Variants in PRKG1 observed in about 807,000 individuals in gnomAD.
PRKG1 encodes the protein cGMP-dependent protein kinase 1.
In PRKG1, 35 loss-of-function variants were observed where a neutral mutation model predicts 88.1. The observed-to-expected ratio is 0.40, with a 90% confidence interval of 0.30 to 0.53. PRKG1 has a LOEUF of 0.53. Ranked by LOEUF, PRKG1 falls within the 20% of genes least tolerant of loss-of-function variation. The pLI is 0.59. For synonymous variants in PRKG1, 303 were observed against 292.5 expected, an observed-to-expected ratio of 1.04 and a Z score of -0.37; for missense variants, 540 against 839.8, an observed-to-expected ratio of 0.64 and a Z score of 4.41.
intron 6 of PRKG1, among the ~76,000 whole-genome samples, chr10:52,061,587 CTG>C (rs1416533179): frequency 6.6e-6 from 1 of 152,030 alleles, no homozygotes; most frequent in Non-Finnish European, 1.5e-5. Context: ...GTCACAAGTC[CTG>C]TGTGTTCTAG....
intron 8 of PRKG1, among the ~76,000 whole-genome samples, chr10:52,159,978 T>C (rs1473570386): frequency 1.3e-5 from 2 of 151,932 alleles, no homozygotes; most frequent in African/African-American, 4.8e-5. Flanking sequence ...TATCCAAATA[T>C]AAAGGACAGA....
chr10:51,272,001 C>T lies in PRKG1; in HGVS notation c.478+118671C>T, dbSNP rs371072477. Among the ~76,000 whole-genome samples the T allele has an allele frequency of 5.9e-5, 9 of 152,292 alleles. No homozygotes were observed. In the East Asian group the frequency reaches 9.7e-4, roughly 16 times the overall value. ...CCTTGAAGAATGGCCACACTGTCCT[C>T]CACAATGGTTGAACAAATTTACACT... is the stretch of plus-strand genomic sequence containing the variant. On this transcript the variant is annotated intron_variant, in intron 2 of 17. Coordinates refer to ENST00000373980, the MANE Select transcript of PRKG1 (RefSeq NM_006258.4).
intron 5 of PRKG1, among the ~76,000 whole-genome samples, chr10:51,994,444 A>G (rs1398126596): frequency 1.3e-5 from 2 of 152,130 alleles, no homozygotes; most frequent in Admixed American, 1.3e-4. Flanking sequence ...AGTAGATAAT[A>G]TTATCCTTAC....
chr10:51,541,098 G>A (rs1026873915), intron 3 of PRKG1, among the ~76,000 whole-genome samples: 3 of 152,154 alleles, frequency 2.0e-5, no homozygotes, highest in African/African-American at 7.2e-5. Context: ...CAGTTTCATG[G>A]AAGACAATTT....
At chr10:51,440,249 G>A (rs187224166) in intron 2 of PRKG1, among the ~76,000 whole-genome samples, 1 of 151,504 alleles carries the variant, frequency 6.6e-6, no homozygotes. Flanking sequence ...CTTTATCTGG[G>A]TATAGTATAA....
intron 3 of PRKG1, among the ~76,000 whole-genome samples, chr10:51,680,488 A>T (rs1840824937): frequency 6.6e-6 from 1 of 152,344 alleles, no homozygotes; most frequent in African/African-American, 2.4e-5. Flanking sequence ...GGATCTGGAC[A>T]ATTCACACTC....
chr10:51,737,738 TTAATTATTATTATTATTATTA>T lies in PRKG1; in HGVS notation c.593-66845_593-66825del, dbSNP rs776215921. On this transcript the variant is annotated intron_variant, in intron 3 of 17. Coordinates refer to ENST00000373980, the MANE Select transcript of PRKG1 (RefSeq NM_006258.4). Reference sequence around the variant, plus strand: ...ATTTATTTATTTATTTATTTATTTATTAATTATTATTATTATTATTATTATTATTATTATTATTTTCTGAGA... The same window carrying T: ...ATTTATTTATTTATTTATTTATTTATTTATTATTATTATTATTTTCTGAGA... 9.8e-5 allele frequency among the ~76,000 whole-genome samples: 13 copies of T among 132,692 alleles called. No individual in the cohort carries two copies. The East Asian group carries it at 2.7e-3, about 27-fold the overall frequency. The allele number at this position is 132,692 out of a possible 152,430, so 87.1% of individuals were successfully genotyped here.
chr10:51,683,935 G>A (rs886420928), intron 3 of PRKG1, among the ~76,000 whole-genome samples: 4 of 152,152 alleles, frequency 2.6e-5, no homozygotes, highest in African/African-American at 9.7e-5. Context: ...TTTTTCGGGG[G>A]AATGTAAAAT....
intron 2 of PRKG1, among the ~76,000 whole-genome samples, chr10:51,212,949 G>C (rs1838265653): frequency 6.6e-6 from 1 of 152,148 alleles, no homozygotes; most frequent in South Asian, 2.1e-4. Context: ...ATTTGACCCA[G>C]CCATGCCATT....
At chr10:51,332,431 G>A (rs1432830154) in intron 2 of PRKG1, among the ~76,000 whole-genome samples, 1 of 152,152 alleles carries the variant, frequency 6.6e-6, no homozygotes, top group Non-Finnish European at 1.5e-5. Flanking sequence ...ACTGAGGAAG[G>A]TGAAAAAGAT....
chr10:51,228,020 G>T (rs1035173504), intron 2 of PRKG1, among the ~76,000 whole-genome samples: 13 of 151,990 alleles, frequency 8.6e-5, no homozygotes, highest in Non-Finnish European at 1.5e-4. Context: ...TGGAGGGGGT[G>T]GGGAGAATCT....
At chr10:51,423,016 G>A (rs905060288) in intron 2 of PRKG1, among the ~76,000 whole-genome samples, 2 of 147,782 alleles carry the variant, frequency 1.4e-5, no homozygotes, top group African/African-American at 2.5e-5. Context: ...AAACACCAAT[G>A]TACCGGTTCC....
chr10:51,591,610 C>G (rs1039000827), intron 3 of PRKG1, among the ~76,000 whole-genome samples: 3 of 152,126 alleles, frequency 2.0e-5, no homozygotes, highest in Admixed American at 6.5e-5. Flanking sequence ...GTAATTAAGA[C>G]TATTCTGCAA....
intron 5 of PRKG1, among the ~76,000 whole-genome samples, chr10:52,009,635 A>G (rs1416603091): frequency 6.6e-6 from 1 of 152,156 alleles, no homozygotes; most frequent in African/African-American, 2.4e-5. Flanking sequence ...TTTCTATCAA[A>G]CTACCAATGA....
At chr10:51,707,921 C>A (rs1841649461) in intron 3 of PRKG1, among the ~76,000 whole-genome samples, 2 of 152,084 alleles carry the variant, frequency 1.3e-5, no homozygotes, top group Non-Finnish European at 2.9e-5. Context: ...AATTAGAAAA[C>A]CTAAAATCTA....
At chr10:51,020,444 A>G (rs1209966025) in intron 1 of PRKG1, among the ~76,000 whole-genome samples, 1 of 152,234 alleles carries the variant, frequency 6.6e-6, no homozygotes, top group Non-Finnish European at 1.5e-5. Context: ...ATACTGTTCC[A>G]GATGCTTAGG....
chr10:52,282,355 C>A, intron 14 of PRKG1, 39 bp downstream of exon 14: 1 of 1,536,256 alleles, frequency 6.5e-7, no homozygotes, highest in Non-Finnish European at 8.8e-7. Context: ...AAAAATAGAC[C>A]AGCATGCAGC....
chr10:51,852,822 T>C (rs1450052001), intron 4 of PRKG1, among the ~76,000 whole-genome samples: 1 of 152,158 alleles, frequency 6.6e-6, no homozygotes, highest in Non-Finnish European at 1.5e-5. Context: ...AACTTTGCTT[T>C]TATATGTCCC....
intron 7 of PRKG1, among the ~76,000 whole-genome samples, chr10:52,072,535 G>T (rs982743851): frequency 2.8e-4 from 42 of 152,146 alleles, no homozygotes; most frequent in Non-Finnish European, 5.7e-4. Context: ...CAACTTAGCT[G>T]TCACACAAGT....
Sources: allele counts gnomAD v4.1 joint callset (sites outside exome capture counted in the v4.1 genomes callset), GRCh38; gene constraint gnomAD v4.1.1; transcripts MANE v1.5; gene names NCBI Gene and HGNC (gene_info 2026-07-23, HGNC 2026-07-21).